The following SMARCA2 variants were observed in gnomAD, a reference collection of about 807,000 sequenced individuals.
The protein encoded by SMARCA2 is SWI/SNF-related matrix-associated actin-dependent regulator of chromatin subfamily A member 2.
In SMARCA2, 61 loss-of-function variants were observed where a neutral mutation model predicts 199.8. The observed-to-expected ratio is 0.31, with a 90% CI of 0.25 to 0.38. The LOEUF (loss-of-function observed/expected upper bound fraction) is 0.38. Ranked by LOEUF, SMARCA2 falls within the 10% of genes least tolerant of loss-of-function variation. The pLI is 1.00. For missense variants in SMARCA2, 1,344 were observed against 2,012.2 expected (o/e 0.67, Z 6.35); for synonymous variants, 935 against 732.0 (o/e 1.28, Z -4.48).
At chr9:2,177,656 A>G (rs555654176) in intron 29 of SMARCA2, among the ~76,000 whole-genome samples, 5 of 152,132 alleles carry the variant, frequency 3.3e-5, no homozygotes, top group East Asian at 3.9e-4. Flanking sequence ...GGGTTCAAGC[A>G]ATTCTCCTGC....
intron 9 of SMARCA2, among the ~76,000 whole-genome samples, chr9:2,065,149 C>T (rs1007064277): frequency 6.6e-6 from 1 of 152,110 alleles, no homozygotes; most frequent in African/African-American, 2.4e-5. Context: ...GGCGCCACTG[C>T]ACTCCAGCCT....
chr9:2,137,225 A>T (rs537196123), intron 27 of SMARCA2, among the ~76,000 whole-genome samples: 14 of 152,356 alleles, frequency 9.2e-5, no homozygotes, highest in Admixed American at 2.6e-4. Context: ...ATTTTGGAGG[A>T]TACCTTTCCT....
Position 2,115,762 on chromosome 9 carries a change from C to T in SMARCA2, c.3457-60C>T, listed in dbSNP as rs1586721252. On this transcript the variant is annotated intron_variant, in intron 24 of 33. Transcript: ENST00000349721. This position sits in a 1 kb window ranked among gnomAD's most constrained non-coding sequence, Gnocchi z 6.0. ...CCATATTTCCCTCTGGGGTGGGGTC[C>T]GGTTTTGGATGCCTATGCCAGGCAT... 4 of 1,373,036 alleles carry T rather than the reference C, an allele frequency of 2.9e-6. No individual in the cohort carries two copies. The South Asian group carries it at 3.6e-5, about 12-fold the overall frequency. The allele number at this position is 1,373,036 out of a possible 1,614,324, so 85.1% of individuals were successfully genotyped here. A position where few individuals can be genotyped will look rare whatever the true frequency, so the allele number is the denominator to read the frequency against.
chr9:2,087,165 A>G (rs564148058), intron 18 of SMARCA2, 94 bp downstream of exon 18: 1 of 1,474,840 alleles, frequency 6.8e-7, no homozygotes, highest in African/African-American at 1.4e-5. Flanking sequence ...GAACACCCGC[A>G]GGGTGGTTTC....
intron 7 of SMARCA2, among the ~76,000 whole-genome samples, chr9:2,057,998 G>A (rs1287227072): frequency 6.6e-6 from 1 of 152,110 alleles, no homozygotes; most frequent in East Asian, 1.9e-4. Flanking sequence ...CCATTTTGTA[G>A]GTCTCTTTCA....
In SMARCA2 at chr9:2,058,238, A is replaced by T. The variant is rs973369348; in HGVS notation, c.1348-53A>T. On this transcript the variant is annotated intron_variant, in intron 7 of 33. Transcript: ENST00000349721. ...TTGGACAACACTGATAGCTCAGAGG[A>T]CACTGGTCATTGGATTTTAAGTATC... 76 of 1,485,304 alleles carry T rather than the reference A, an allele frequency of 5.1e-5. No homozygotes were observed. In the East Asian group the frequency reaches 1.7e-3, roughly 33 times the overall value. 92.0% of individuals were successfully genotyped at this position (1,485,304 alleles called of 1,614,324 possible). A position where few individuals can be genotyped will look rare whatever the true frequency, so the allele number is the denominator to read the frequency against.
chr9:2,166,761 T>C (rs755321137), intron 28 of SMARCA2, among the ~76,000 whole-genome samples: 20 of 152,176 alleles, frequency 1.3e-4, no homozygotes, highest in Non-Finnish European at 2.4e-4. Flanking sequence ...TAACCAGTAA[T>C]CCTTAAGGTT....
intron 27 of SMARCA2, among the ~76,000 whole-genome samples, chr9:2,154,637 G>A (rs1431728710): frequency 2.6e-5 from 4 of 152,202 alleles, no homozygotes; most frequent in Non-Finnish European, 4.4e-5. Context: ...TCCCAGGGAA[G>A]CCCAGGAAAG....
chr9:2,023,754 C>T (rs1818704704), intron 1 of SMARCA2, among the ~76,000 whole-genome samples: 1 of 152,196 alleles, frequency 6.6e-6, no homozygotes, highest in Admixed American at 6.5e-5. Flanking sequence ...AATAACAGTG[C>T]TTGAGGCCCA....
intron 27 of SMARCA2, among the ~76,000 whole-genome samples, chr9:2,141,546 ACT>A (rs1824459840): frequency 1.3e-5 from 2 of 152,152 alleles, no homozygotes; most frequent in Admixed American, 1.3e-4. Context: ...AAGCCTTTTA[ACT>A]CTCAAAGCTA....
rs763478671 is a variant in SMARCA2 at position 2,169,563 on chromosome 9, C to T, written c.4200-856C>T. On this transcript the variant is annotated intron_variant, in intron 28 of 33. Coordinates refer to ENST00000349721, the MANE Select transcript of SMARCA2 (RefSeq NM_003070.5). This position sits in a 1 kb window ranked among gnomAD's most constrained non-coding sequence, Gnocchi z 6.5. ...ATGCTTTTCCCTCTCTGCAACACCC[C>T]GACCCCACACTGACTCTAGAGCAGA... Among the ~76,000 whole-genome samples, 41 of 152,096 alleles carry T rather than the reference C, an allele frequency of 2.7e-4. No individual in the cohort carries two copies. The highest frequency in any genetic ancestry group is 4.9e-4 in the Non-Finnish European group (33 of 68,024).
intron 14 of SMARCA2, among the ~76,000 whole-genome samples, chr9:2,079,691 A>G (rs1295790489): frequency 6.6e-6 from 1 of 152,232 alleles, no homozygotes; most frequent in Non-Finnish European, 1.5e-5. Context: ...TCCAAAGACC[A>G]TGTCATAGTC....
intron 27 of SMARCA2, among the ~76,000 whole-genome samples, chr9:2,144,907 C>A (rs1020667077): frequency 1.3e-5 from 2 of 152,028 alleles, no homozygotes; most frequent in Non-Finnish European, 2.9e-5. Context: ...AGGGTAATTG[C>A]CCACATTTGA....
At chr9:2,142,125 C>T (rs1824491112) in intron 27 of SMARCA2, among the ~76,000 whole-genome samples, 1 of 152,150 alleles carries the variant, frequency 6.6e-6, no homozygotes, top group African/African-American at 2.4e-5. Context: ...CCCTTAGCTC[C>T]ATCAGTCAAG....
chr9:2,080,012 G>A (rs1821497137), intron 14 of SMARCA2: 2 of 152,156 alleles, frequency 1.3e-5, no homozygotes, highest in Admixed American at 1.3e-4. Flanking sequence ...CTTATGAAGT[G>A]CCTTCTTCCT....
Position 2,086,194 on chromosome 9 carries a change from C to T in SMARCA2, c.2527-635C>T, listed in dbSNP as rs899667579. Reference sequence around the variant, plus strand: ...GCGTGTATTGAGGGAGCTTCGTTGTCAGACCTAATTTTTGAAAAGCCGTAT... The same window carrying T: ...GCGTGTATTGAGGGAGCTTCGTTGTTAGACCTAATTTTTGAAAAGCCGTAT... On this transcript the variant is annotated intron_variant, in intron 17 of 33. Coordinates refer to ENST00000349721, the MANE Select transcript of SMARCA2 (RefSeq NM_003070.5). The surrounding 1 kb of genome is among the most constrained non-coding windows in gnomAD (Gnocchi z 4.3). 4 of 152,844 alleles carry T rather than the reference C, an allele frequency of 2.6e-5. No individual in the cohort carries two copies. The highest frequency in any genetic ancestry group is 9.7e-5 in the African/African-American group (4 of 41,446). 9.5% of individuals were successfully genotyped at this position (152,844 alleles called of 1,614,324 possible).
chr9:2,045,857 ACG>A (rs1563729340), intron 4 of SMARCA2: 1 of 151,364 alleles, frequency 6.6e-6, no homozygotes, highest in African/African-American at 2.4e-5. Flanking sequence ...ACACACACAC[ACG>A]ACACAAACAC....
chr9:2,082,220 C>T (rs1421360383), intron 15 of SMARCA2, among the ~76,000 whole-genome samples: 1 of 151,794 alleles, frequency 6.6e-6, no homozygotes, highest in African/African-American at 2.4e-5. Flanking sequence ...TTTTATCGGC[C>T]ATCAGCATTA....
intron 4 of SMARCA2, chr9:2,042,250 G>T (rs185755412): frequency 6.6e-6 from 1 of 152,298 alleles, no homozygotes; most frequent in Admixed American, 6.5e-5. Flanking sequence ...GTAGAGGCCA[G>T]CTGGTAACTA....
Sources: gnomAD v4.1 joint callset for allele counts (sites outside exome capture counted in the v4.1 genomes callset) on GRCh38, gnomAD v4.1.1 for gene constraint, Gnocchi (gnomAD v3.1) non-coding constraint, MANE v1.5 for transcripts, NCBI Gene and HGNC (gene_info 2026-07-23, HGNC 2026-07-21) for gene names.